ANTXR1: variants seen among roughly 807,000 people sequenced by gnomAD.
ANTXR1 encodes ANTXR cell adhesion molecule 1.
Under a neutral mutation model 78.1 loss-of-function variants are expected in ANTXR1, and 19 were observed. The ratio of observed to expected loss-of-function variants is 0.24; its 90% CI spans 0.17 to 0.36. The LOEUF (loss-of-function observed/expected upper bound fraction) is 0.36, where lower values mean the gene tolerates loss of function less well. Among genes scored for constraint, ANTXR1 ranks in the 10% least tolerant of loss-of-function variants. The probability of loss-of-function intolerance (pLI) is 1.00; values close to 1 mark genes in which losing one functional copy is unlikely to be tolerated. For missense variants in ANTXR1, 518 were observed against 718.6 expected (o/e 0.72, Z 3.19); for synonymous variants, 273 against 260.5 (o/e 1.05, Z -0.46).
chr2:69,196,449 G>T (rs1674669713), intron 17 of ANTXR1, among the ~76,000 whole-genome samples: 1 of 152,232 alleles, frequency 6.6e-6, no homozygotes, highest in African/African-American at 2.4e-5. Flanking sequence ...ACACAAGAAA[G>T]GTCACAGATG....
chr2:69,013,491 C>T lies in ANTXR1; in HGVS notation c.-9C>T, dbSNP rs1225583130. The T allele has an allele frequency of 6.3e-7, 1 of 1,587,906 alleles. No homozygotes were observed. The highest frequency in any genetic ancestry group is 1.8e-5 in the Admixed American group (1 of 54,538). On this transcript the variant is annotated 5_prime_UTR_variant, in exon 1 of 18. Transcript: ENST00000303714. This position sits in a 1 kb window ranked among gnomAD's most constrained non-coding sequence, Gnocchi z 5.0. Reference sequence around the variant, plus strand: ...AGGAGCGGACCCTGCTCTCCCCGGGCTGCGGGCCATGGCCACGGCGGAGCG... The same window carrying T: ...AGGAGCGGACCCTGCTCTCCCCGGGTTGCGGGCCATGGCCACGGCGGAGCG...
chr2:69,179,503 G>A (rs1367436639), intron 14 of ANTXR1, among the ~76,000 whole-genome samples: 3 of 146,016 alleles, frequency 2.1e-5, no homozygotes, highest in Non-Finnish European at 4.4e-5. Flanking sequence ...CAGCCTGGGT[G>A]ACAGAGTGAG....
intron 1 of ANTXR1, among the ~76,000 whole-genome samples, chr2:69,018,188 T>C (rs1477270022): frequency 6.6e-6 from 1 of 152,092 alleles, no homozygotes; most frequent in Non-Finnish European, 1.5e-5. Flanking sequence ...AATAAATCCT[T>C]ATATGTCTAA....
intron 1 of ANTXR1, among the ~76,000 whole-genome samples, chr2:69,014,434 C>A (rs769154944): frequency 7.2e-5 from 11 of 152,162 alleles, no homozygotes; most frequent in Non-Finnish European, 1.5e-4. Context: ...AGCTCTTGGC[C>A]ATTTGACTGG....
chr2:69,091,445 C>CAAAAAAA (rs60795933), intron 9 of ANTXR1, among the ~76,000 whole-genome samples: 1 of 62,326 alleles, frequency 1.6e-5, no homozygotes, highest in African/African-American at 6.2e-5. Context: ...GACACCATCT[C>CAAAAAAA]AAAAAAAAAA....
At chr2:69,189,599 A>T (rs546855426) in intron 16 of ANTXR1, among the ~76,000 whole-genome samples, 1 of 152,350 alleles carries the variant, frequency 6.6e-6, no homozygotes, top group African/African-American at 2.4e-5. Context: ...TGAGTGACAG[A>T]TGATGAGGGC....
chr2:69,116,753 G>A (rs540766347), intron 10 of ANTXR1, among the ~76,000 whole-genome samples: 3 of 152,174 alleles, frequency 2.0e-5, no homozygotes, highest in Middle Eastern at 3.4e-3. Context: ...CATAAGACTA[G>A]GGATTATTTT....
At chr2:69,041,379 G>A (rs746025017) in intron 2 of ANTXR1, among the ~76,000 whole-genome samples, 2 of 152,182 alleles carry the variant, frequency 1.3e-5, no homozygotes, top group Non-Finnish European at 2.9e-5. Context: ...AGGCCAAGAT[G>A]TCCTTTCTTC....
chr2:69,032,627 G>A (rs920809421), intron 1 of ANTXR1, among the ~76,000 whole-genome samples: 5 of 152,002 alleles, frequency 3.3e-5, no homozygotes. Context: ...TTCAATTATG[G>A]GAAATACCTT....
chr2:69,219,384 GACACACACACACACACACAC>G (rs377200577), intron 17 of ANTXR1, among the ~76,000 whole-genome samples: 4 of 132,222 alleles, frequency 3.0e-5, no homozygotes, highest in Non-Finnish European at 4.8e-5. Flanking sequence ...CCAGAAGGAG[GACACACACACACACACACAC>G]ACACACACAC....
chr2:69,107,473 C>G (rs1671847754), intron 10 of ANTXR1, among the ~76,000 whole-genome samples: 2 of 152,240 alleles, frequency 1.3e-5, no homozygotes, highest in South Asian at 2.1e-4. Context: ...CTCCTGGGCT[C>G]AAGCTATCTA....
chr2:69,072,156 C>T (rs1274387671), intron 5 of ANTXR1, among the ~76,000 whole-genome samples: 2 of 152,170 alleles, frequency 1.3e-5, no homozygotes, highest in Non-Finnish European at 2.9e-5. Flanking sequence ...AGCTCCAAGC[C>T]TCTTCATTAC....
chr2:69,087,271 T>G (rs1442399489), intron 8 of ANTXR1, among the ~76,000 whole-genome samples: 1 of 152,242 alleles, frequency 6.6e-6, no homozygotes, highest in African/African-American at 2.4e-5. Context: ...GGCACTGTGC[T>G]ATGGGCTCTG....
chr2:69,229,499 G>T (rs571665762), intron 17 of ANTXR1, among the ~76,000 whole-genome samples: 2 of 152,006 alleles, frequency 1.3e-5, no homozygotes, highest in Non-Finnish European at 2.9e-5. Flanking sequence ...AATCTTAGTC[G>T]GTTTATCTTC....
chr2:69,115,168 C>G (rs369972011), intron 10 of ANTXR1, among the ~76,000 whole-genome samples: 4 of 152,190 alleles, frequency 2.6e-5, no homozygotes, highest in African/African-American at 9.7e-5. Flanking sequence ...ACCAAAACTG[C>G]TCAGGCATTG....
At chr2:69,166,949 T>C (rs1381241753) in intron 13 of ANTXR1, among the ~76,000 whole-genome samples, 2 of 152,376 alleles carry the variant, frequency 1.3e-5, no homozygotes, top group East Asian at 1.9e-4. Flanking sequence ...AAAGAGAACC[T>C]TGTCCTTTCT....
intron 8 of ANTXR1, among the ~76,000 whole-genome samples, chr2:69,084,594 T>G (rs1320773030): frequency 3.1e-5 from 3 of 95,332 alleles, no homozygotes; most frequent in Non-Finnish European, 6.0e-5. Context: ...TTGTAAAGTT[T>G]TTTTTTTTTT....
chr2:69,161,439 C>T (rs1426361356), intron 13 of ANTXR1, among the ~76,000 whole-genome samples: 3 of 152,108 alleles, frequency 2.0e-5, no homozygotes, highest in Non-Finnish European at 2.9e-5. Context: ...TTTCTGGTAC[C>T]ACATTCCAAA....
intron 17 of ANTXR1, among the ~76,000 whole-genome samples, chr2:69,212,602 TATCC>T (rs1316314531): frequency 6.6e-6 from 1 of 152,260 alleles, no homozygotes; most frequent in Non-Finnish European, 1.5e-5. Flanking sequence ...ACAGCATATG[TATCC>T]ATTTCTTGGG....
Sources: allele counts gnomAD v4.1 joint callset (sites outside exome capture counted in the v4.1 genomes callset), GRCh38; gene constraint gnomAD v4.1.1; non-coding constraint Gnocchi (gnomAD v3.1); transcripts MANE v1.5; gene names NCBI Gene and HGNC (gene_info 2026-07-23, HGNC 2026-07-21).